Variants in CAPZA1 observed in about 807,000 individuals in gnomAD.
The protein encoded by CAPZA1 is capping actin protein of muscle Z-line subunit alpha 1.
A neutral mutation model predicts 40.8 loss-of-function variants in CAPZA1; 10 were observed. The ratio of observed to expected loss-of-function variants is 0.25; its 90% CI spans 0.15 to 0.42. CAPZA1 has a LOEUF of 0.42. Ranked by LOEUF, CAPZA1 falls within the 10% of genes least tolerant of loss-of-function variation. CAPZA1 has a pLI of 1.00. For missense variants in CAPZA1, 277 were observed against 353.8 expected (o/e 0.78, Z 1.74); for synonymous variants, 98 against 115.0 (o/e 0.85, Z 0.95).
At chr1:112,669,656 C>T in intron 9 of CAPZA1, 51 bp downstream of exon 9, 2 of 1,304,534 alleles carry the variant, frequency 1.5e-6, no homozygotes, top group Non-Finnish European at 2.2e-6. Flanking sequence ...TATTATTTCG[C>T]TGTTAGCATA....
chr1:112,635,105 T>C (rs775777279), intron 1 of CAPZA1, among the ~76,000 whole-genome samples: 11 of 152,214 alleles, frequency 7.2e-5, no homozygotes, highest in Admixed American at 3.3e-4. Context: ...GACTAGTATC[T>C]ATAGAACTAA....
intron 5 of CAPZA1, among the ~76,000 whole-genome samples, chr1:112,656,115 A>T (rs910426901): frequency 3.9e-5 from 6 of 152,210 alleles, no homozygotes; most frequent in Non-Finnish European, 8.8e-5. Flanking sequence ...AGCAATTTTC[A>T]CTAGAATATT....
At chr1:112,645,578 G>T (rs1369418503) in intron 1 of CAPZA1, among the ~76,000 whole-genome samples, 1 of 152,088 alleles carries the variant, frequency 6.6e-6, no homozygotes, top group Non-Finnish European at 1.5e-5. Flanking sequence ...AGGTTACAGT[G>T]AACTAGGATC....
At chr1:112,638,177 T>C (rs1244617691) in intron 1 of CAPZA1, among the ~76,000 whole-genome samples, 1 of 152,122 alleles carries the variant, frequency 6.6e-6, no homozygotes, top group East Asian at 1.9e-4. Flanking sequence ...TAAATAAAGA[T>C]TGGAGTGAAT....
In CAPZA1 at chr1:112,671,549, A is replaced by ATCCATCCATACCACAC. The variant is rs1553181518; in HGVS notation, c.*1419_*1434dup. Reference sequence around the variant, plus strand: ...ATTTGTATTATTTGTCCTTCATACTATCCATCCATACCACACTATCTTCTG... The same window carrying ATCCATCCATACCACAC: ...ATTTGTATTATTTGTCCTTCATACTATCCATCCATACCACACTCCATCCATACCACACTATCTTCTG... On this transcript the variant is annotated 3_prime_UTR_variant, in exon 10 of 10. Transcript: ENST00000263168. 1.3e-5 allele frequency: 2 copies of ATCCATCCATACCACAC among 152,640 alleles called. No individual in the cohort carries two copies. The highest frequency in any genetic ancestry group is 2.9e-5 in the Non-Finnish European group (2 of 68,030). 9.5% of individuals were successfully genotyped at this position (152,640 alleles called of 1,614,324 possible).
chr1:112,644,592 AG>A (rs1474353597), intron 1 of CAPZA1, among the ~76,000 whole-genome samples: 1 of 152,134 alleles, frequency 6.6e-6, no homozygotes, highest in Non-Finnish European at 1.5e-5. Context: ...GAAGGAAATA[AG>A]TCAACAGAGG....
At chr1:112,649,758 T>A in intron 3 of CAPZA1, 1 of 404,992 alleles carries the variant, frequency 2.5e-6, no homozygotes, top group Non-Finnish European at 4.4e-6. Flanking sequence ...GTTGTTCTAG[T>A]TCGTGTTGAA....
chr1:112,630,533 C>A (rs906012403), intron 1 of CAPZA1, among the ~76,000 whole-genome samples: 2 of 151,856 alleles, frequency 1.3e-5, no homozygotes, highest in African/African-American at 4.8e-5. Flanking sequence ...TTAGTAGAGA[C>A]GGGGTTTCAC....
intron 1 of CAPZA1, among the ~76,000 whole-genome samples, chr1:112,621,793 G>A (rs1282886409): frequency 8.1e-6 from 1 of 123,898 alleles, no homozygotes; most frequent in South Asian, 2.6e-4. Context: ...ATGGAGTCTC[G>A]CTCTGTCACC....
Position 112,644,184 on chromosome 1 carries a change from C to CTTTTTTTTTTTTT in CAPZA1, c.40-3014_40-3002dup, listed in dbSNP as rs60802838. Among the ~76,000 whole-genome samples the CTTTTTTTTTTTTT allele has an allele frequency of 2.3e-4, 13 of 56,788 alleles. 1 individual carries two copies. The highest frequency in any genetic ancestry group is 6.5e-4 in the Admixed American group (2 of 3,080). 37.3% of individuals were successfully genotyped at this position (56,788 alleles called of 152,430 possible). A position where few individuals can be genotyped will look rare whatever the true frequency, so the allele number is the denominator to read the frequency against. ...TTTTTTTCTAATTCTCTTCTCCCAG[C>CTTTTTTTTTTTTT]TTTTTTTTTTTTTTTTTTTTTTTTG... On this transcript the variant is annotated intron_variant, in intron 1 of 9. Transcript: ENST00000263168.
intron 3 of CAPZA1, among the ~76,000 whole-genome samples, chr1:112,651,947 C>A (rs556387895): frequency 1.3e-5 from 2 of 151,448 alleles, no homozygotes; most frequent in African/African-American, 4.8e-5. Context: ...GAGACTCCCC[C>A]CGATCTCTAA....
At position 112,621,287 on chromosome 1, in the gene CAPZA1, AAT is replaced by A. The variant is rs1491324890; in HGVS notation, c.39+1405_39+1406del. Among the ~76,000 whole-genome samples, 3 of 78,808 alleles carry A rather than the reference AAT, an allele frequency of 3.8e-5. No homozygotes were observed. In the Admixed American group the frequency reaches 5.3e-4, roughly 14 times the overall value. The allele number at this position is 78,808 out of a possible 152,430, so 51.7% of individuals were successfully genotyped here. Reference sequence around the variant, plus strand: ...AAATCCTGTTACAATACAACTAAACAATTTTTTTTTTTTTTTGAGACGGAGTC... The same window carrying A: ...AAATCCTGTTACAATACAACTAAACATTTTTTTTTTTTTTGAGACGGAGTC... On this transcript the variant is annotated intron_variant, in intron 1 of 9. Transcript: ENST00000263168.
chr1:112,632,046 C>T (rs1190143483), intron 1 of CAPZA1, among the ~76,000 whole-genome samples: 3 of 152,108 alleles, frequency 2.0e-5, no homozygotes, highest in Admixed American at 6.5e-5. Context: ...GGCTCATGCC[C>T]GTAATCCCAG....
intron 2 of CAPZA1, 38 bp downstream of exon 2, chr1:112,647,311 C>A: frequency 9.2e-7 from 1 of 1,084,544 alleles, no homozygotes; most frequent in Non-Finnish European, 1.3e-6. Flanking sequence ...TCCTTAATTA[C>A]CATTATTTAT....
intron 1 of CAPZA1, among the ~76,000 whole-genome samples, chr1:112,637,885 G>C (rs1385200630): frequency 6.6e-6 from 1 of 152,126 alleles, no homozygotes; most frequent in Non-Finnish European, 1.5e-5. Context: ...AGTTTTATTG[G>C]AACACAACCA....
At chr1:112,652,666 GT>G (rs1482227364) in intron 3 of CAPZA1, among the ~76,000 whole-genome samples, 8 of 151,562 alleles carry the variant, frequency 5.3e-5, no homozygotes. Context: ...ACCTTGTTAT[GT>G]TGGCACATTA....
At chr1:112,636,767 C>G (rs1473799206) in intron 1 of CAPZA1, among the ~76,000 whole-genome samples, 2 of 152,098 alleles carry the variant, frequency 1.3e-5, no homozygotes, top group Non-Finnish European at 2.9e-5. Flanking sequence ...GAATGATTGA[C>G]TAAATCACTG....
intron 1 of CAPZA1, among the ~76,000 whole-genome samples, chr1:112,621,209 C>G (rs1670642708): frequency 6.6e-6 from 1 of 152,146 alleles, no homozygotes; most frequent in Non-Finnish European, 1.5e-5. Flanking sequence ...GGAAATCGAT[C>G]TATAATAAAT....
chr1:112,633,536 A>C (rs1258085997), intron 1 of CAPZA1, among the ~76,000 whole-genome samples: 4 of 152,156 alleles, frequency 2.6e-5, no homozygotes, highest in Non-Finnish European at 5.9e-5. Context: ...GATTATTGTG[A>C]ACACTGCTGA....
Sources: gnomAD v4.1 joint callset for allele counts (sites outside exome capture counted in the v4.1 genomes callset) on GRCh38, gnomAD v4.1.1 for gene constraint, MANE v1.5 for transcripts, NCBI Gene and HGNC (gene_info 2026-07-23, HGNC 2026-07-21) for gene names.